PCDH1: variants seen among roughly 807,000 people sequenced by gnomAD.
PCDH1 encodes protocadherin-1.
A neutral mutation model predicts 74.6 loss-of-function variants in PCDH1; 23 were observed. The observed-to-expected ratio is 0.31, with a 90% CI of 0.22 to 0.44. The LOEUF is 0.44. Among genes scored for constraint, PCDH1 ranks in the 20% least tolerant of loss-of-function variants. The probability of loss-of-function intolerance (pLI) is 1.00; values close to 1 mark genes in which losing one functional copy is unlikely to be tolerated. For synonymous variants in PCDH1, 647 were observed against 686.1 expected, an observed-to-expected ratio of 0.94 and a Z score of 0.89; for missense variants, 1,214 against 1,641.4, an observed-to-expected ratio of 0.74 and a Z score of 4.50.
rs750940944 is a variant in PCDH1 at position 141,864,489 on chromosome 5, C to T, written c.1842G>A (p.Leu614=). ...CCATCACTGAGAAGTTGTAGCCACT[C>T]AGCATAAATTTGGGGTCATTGTCAT... ...DCNDNDPKFM[L]SGYNFSVMEN... Residue 614 remains leucine, a synonymous_variant, in exon 3 of 5, where the codon CTG becomes CTA. Coordinates refer to ENST00000287008, the MANE Select transcript of PCDH1 (RefSeq NM_032420.5). The surrounding 1 kb of genome is among the most constrained non-coding windows in gnomAD (Gnocchi z 5.9). 1 of 1,614,160 alleles carries T rather than the reference C, an allele frequency of 6.2e-7. No homozygotes were observed.
rs771256072 is a variant in PCDH1, at chr5:141,869,371, C to T, written c.101G>A (p.Gly34Glu). The T allele has an allele frequency of 6.3e-7, 1 of 1,597,256 alleles. No homozygotes were observed. The highest frequency in any genetic ancestry group is 8.5e-7 in the Non-Finnish European group (1 of 1,175,856). ...EHLRHSPGPG[G>E]QRLLLPSMLL... ...CATGGAGGGCAGCAGTAGCCGTTGCCCCCCAGGGCCTGGGCTGTGCCTCAG... is the reference window on the plus strand; with the variant it reads ...CATGGAGGGCAGCAGTAGCCGTTGCTCCCCAGGGCCTGGGCTGTGCCTCAG... The change falls in exon 2 of 5, where the codon GGG becomes GAG. Residue 34 changes from glycine (G) to glutamate (E), a missense_variant. By Grantham distance (98) the Gly-to-Glu change is moderately conservative. Transcript: ENST00000287008. This position sits in a 1 kb window ranked among gnomAD's most constrained non-coding sequence, Gnocchi z 4.9.
intron 3 of PCDH1, among the ~76,000 whole-genome samples, chr5:141,857,725 GTTA>G (rs2126806007): frequency 6.6e-6 from 1 of 152,280 alleles, no homozygotes; most frequent in South Asian, 2.1e-4. Flanking sequence ...AGGCCCCAGT[GTTA>G]TTATAGCCCC....
intron 1 of PCDH1, among the ~76,000 whole-genome samples, chr5:141,876,173 G>A (rs1753226933): frequency 6.6e-6 from 1 of 152,044 alleles, no homozygotes; most frequent in South Asian, 2.1e-4. Flanking sequence ...CAGTTTCTTG[G>A]GCTCTGGCGG....
chr5:141,863,573 T>G lies in PCDH1; in HGVS notation c.2758A>C (p.Lys920Gln). 6.2e-7 allele frequency: 1 copy of G among 1,614,162 alleles called. No individual in the cohort carries two copies. The highest frequency in any genetic ancestry group is 1.1e-5 in the South Asian group (1 of 91,086). The change falls in exon 3 of 5, where the codon AAG becomes CAG. Residue 920 changes from lysine (K) to glutamine (Q), a missense_variant. By Grantham distance (53) the Lys-to-Gln change is moderately conservative. Around this residue, in one of 4 missense-constraint regions of PCDH1, gnomAD observed 836 missense variants for 1,182.2 expected, o/e 0.71. Coordinates refer to ENST00000287008, the MANE Select transcript of PCDH1 (RefSeq NM_032420.5). This position sits in a 1 kb window ranked among gnomAD's most constrained non-coding sequence, Gnocchi z 7.5. ...KSKGKKSKSP[K>Q]PVKPVEDEDE... ...TCGTCCTCCACTGGCTTCACGGGCT[T>G]TGGGGACTTGCTCTTCTTGCCTTTG...
In PCDH1 at chr5:141,863,172, G is replaced by A. The variant is rs1336648636; in HGVS notation, c.3099+60C>T. 12 of 1,509,956 alleles carry A rather than the reference G, an allele frequency of 7.9e-6. No individual in the cohort carries two copies. Among genetic ancestry groups the A allele is most frequent in the Non-Finnish European group, 2.7e-6 (3 of 1,127,726 alleles). The allele number at this position is 1,509,956 out of a possible 1,614,324, so 93.5% of individuals were successfully genotyped here. A position where few individuals can be genotyped will look rare whatever the true frequency, so the allele number is the denominator to read the frequency against. On this transcript the variant is annotated intron_variant, in intron 3 of 4. Transcript: ENST00000287008. This position sits in a 1 kb window ranked among gnomAD's most constrained non-coding sequence, Gnocchi z 7.5. ...ATCACTCCCACACCTCGGTCCAGAT[G>A]GCTCCGTGGTAGGGGTGGGGTAGGG...
At chr5:141,876,715 A>G (rs143118206) in intron 1 of PCDH1, among the ~76,000 whole-genome samples, 15 of 152,130 alleles carry the variant, frequency 9.9e-5, no homozygotes, top group South Asian at 2.1e-4. Context: ...CCGCGCACAC[A>G]CTGGCCTACA....
chr5:141,873,517 G>A (rs1753147632), intron 1 of PCDH1, among the ~76,000 whole-genome samples: 1 of 145,166 alleles, frequency 6.9e-6, no homozygotes, highest in African/African-American at 2.6e-5. Context: ...CGCGATCCCG[G>A]CTCACTGCAA....
At chr5:141,872,001 C>G (rs1261007699) in intron 1 of PCDH1, among the ~76,000 whole-genome samples, 4 of 152,218 alleles carry the variant, frequency 2.6e-5, no homozygotes, top group Admixed American at 6.5e-5. Flanking sequence ...ACATCCCCTC[C>G]TCTGTATGGC....
intron 4 of PCDH1, chr5:141,856,256 G>A (rs1561475702): frequency 6.5e-7 from 1 of 1,535,506 alleles, no homozygotes; most frequent in East Asian, 2.4e-5. Context: ...GCTCCGGCCA[G>A]CCGGCTCTGC....
intron 1 of PCDH1, among the ~76,000 whole-genome samples, chr5:141,872,415 C>T (rs956438530): frequency 6.6e-6 from 1 of 152,198 alleles, no homozygotes; most frequent in African/African-American, 2.4e-5. Context: ...CTCTCCAGAT[C>T]GAGGATACTT....
chr5:141,866,242 A>T (rs1334817921), intron 2 of PCDH1: 1 of 985,368 alleles, frequency 1.0e-6, no homozygotes, highest in East Asian at 1.1e-4. Flanking sequence ...CGAGGCACCA[A>T]TGCGAGGAAT....
intron 3 of PCDH1, among the ~76,000 whole-genome samples, chr5:141,859,031 C>T (rs777672859): frequency 7.9e-5 from 12 of 152,096 alleles, no homozygotes; most frequent in Admixed American, 1.3e-4. Context: ...CAGGAATAAG[C>T]GACCGTTCTT....
chr5:141,864,018 T>A lies in PCDH1; in HGVS notation c.2313A>T (p.Ser771=). 1 of 1,614,044 alleles carries A rather than the reference T, an allele frequency of 6.2e-7. No homozygotes were observed. Among genetic ancestry groups the A allele is most frequent in the Non-Finnish European group, 8.5e-7 (1 of 1,180,002 alleles). ...PYGLFQIGSH[S]GAITLEKEIE... is the part of the protein sequence containing the mutation. The stretch of plus-strand genomic sequence containing the variant: ...TCTCCTTCTCCAGGGTGATGGCACC[T>A]GAATGTGACCCAATCTGGAAGAGTC... Residue 771 remains serine, a synonymous_variant, in exon 3 of 5, where the codon TCA becomes TCT. Coordinates refer to ENST00000287008, the MANE Select transcript of PCDH1 (RefSeq NM_032420.5). This position sits in a 1 kb window ranked among gnomAD's most constrained non-coding sequence, Gnocchi z 5.9.
At position 141,853,883 on chromosome 5, in the gene PCDH1, T is replaced by G; in HGVS notation, c.*159A>C. 1.5e-5 allele frequency: 8 copies of G among 545,158 alleles called. No individual in the cohort carries two copies. Among genetic ancestry groups the G allele is most frequent in the East Asian group, 9.1e-5 (3 of 33,128 alleles). 33.8% of individuals were successfully genotyped at this position (545,158 alleles called of 1,614,324 possible). A position where few individuals can be genotyped will look rare whatever the true frequency, so the allele number is the denominator to read the frequency against. On this transcript the variant is annotated 3_prime_UTR_variant, in exon 5 of 5. Coordinates refer to ENST00000287008, the MANE Select transcript of PCDH1 (RefSeq NM_032420.5). ...GAGGGGAGAGGACCTGGACCCTGCA[T>G]GGGAGAAGGGCCAGCGTGGTCATGA... is the stretch of plus-strand genomic sequence containing the variant.
chr5:141,871,009 A>T (rs562326920), intron 1 of PCDH1, among the ~76,000 whole-genome samples: 1 of 151,740 alleles, frequency 6.6e-6, no homozygotes, highest in South Asian at 2.1e-4. Context: ...CCTTCCTCCA[A>T]CTCACAGCCA....
chr5:141,864,432 C>T lies in PCDH1; in HGVS notation c.1899G>A (p.Met633Ile), dbSNP rs986064955. Residue 633 changes from methionine to isoleucine, a missense_variant, in exon 3 of 5, where the codon ATG becomes ATA. Physicochemically the swap from Met to Ile is conservative, Grantham distance 10. This residue lies in a region of PCDH1 where 836 missense variants were observed against 1,182.2 expected (regional missense o/e 0.71). Transcript: ENST00000287008. The surrounding 1 kb of genome is among the most constrained non-coding windows in gnomAD (Gnocchi z 5.9). ...ENMPALSPVG[M>I]VTVIDGDKGE... is the part of the protein sequence containing the mutation. Reference sequence around the variant, plus strand: ...CCTTGTCTCCATCAATGACAGTCACCATGCCCACTGGACTCAGTGCTGGCA... The same window carrying T: ...CCTTGTCTCCATCAATGACAGTCACTATGCCCACTGGACTCAGTGCTGGCA... 6 of 1,614,174 alleles carry T rather than the reference C, an allele frequency of 3.7e-6. 1 individual carries two copies. In the South Asian group the frequency reaches 6.6e-5, roughly 18 times the overall value.
chr5:141,857,195 C>T, intron 4 of PCDH1, 57 bp downstream of exon 4: 1 of 1,399,396 alleles, frequency 7.1e-7, no homozygotes, highest in Non-Finnish European at 9.6e-7. Context: ...GGCCTTGTCA[C>T]CATTCCCAGG....
chr5:141,863,248 T>C lies in PCDH1; in HGVS notation c.3083A>G (p.Lys1028Arg). The C allele has an allele frequency of 1.3e-6, 2 of 1,590,122 alleles. No homozygotes were observed. The highest frequency in any genetic ancestry group is 1.7e-6 in the Non-Finnish European group (2 of 1,167,986). The part of the protein sequence containing the change: ...SDYSYRTNPP[K>R]YPSKQLPHRR... Reference sequence around the variant, plus strand: ...CTGGCCTACCTGCTTGCTGGGGTATTTGGGGGGGTTGGTGCGGTAGCTGTA... The same window carrying C: ...CTGGCCTACCTGCTTGCTGGGGTATCTGGGGGGGTTGGTGCGGTAGCTGTA... Residue 1028 changes from lysine to arginine, a missense_variant, in exon 3 of 5, where the codon AAA (lysine) becomes AGA (arginine). Lys to Arg is a conservative substitution (Grantham distance 26, BLOSUM62 2). This residue lies in a region of PCDH1 where 836 missense variants were observed against 1,182.2 expected (regional missense o/e 0.71). Coordinates refer to ENST00000287008, the MANE Select transcript of PCDH1 (RefSeq NM_032420.5). This position sits in a 1 kb window ranked among gnomAD's most constrained non-coding sequence, Gnocchi z 7.5.
rs531150638 is a variant in PCDH1 at position 141,878,054 on chromosome 5, G to A, written c.40+169C>T. Among the ~76,000 whole-genome samples, 683 of 152,144 alleles carry A rather than the reference G, an allele frequency of 4.5e-3. 7 individuals carry two copies. Among genetic ancestry groups the A allele is most frequent in the African/African-American group, 0.016 (645 of 41,520 alleles). On this transcript the variant is annotated intron_variant, in intron 1 of 4. Coordinates refer to ENST00000287008, the MANE Select transcript of PCDH1 (RefSeq NM_032420.5). This position sits in a 1 kb window ranked among gnomAD's most constrained non-coding sequence, Gnocchi z 5.5. ...CCTGGGAGGACGGAATCCCTCAGCC[G>A]CATCCCCTGCTATGGGCTCCCAGCA...
Sources: allele counts gnomAD v4.1 joint callset (sites outside exome capture counted in the v4.1 genomes callset), GRCh38; gene constraint gnomAD v4.1.1; regional missense constraint gnomAD v4.1.1; non-coding constraint Gnocchi (gnomAD v3.1); transcripts MANE v1.5; gene names NCBI Gene and HGNC (gene_info 2026-07-23, HGNC 2026-07-21).